The following PBX1 variants were observed in gnomAD, a reference collection of about 807,000 sequenced individuals.
The protein encoded by PBX1 is PBX homeobox 1.
In PBX1, 6 loss-of-function variants were observed where a neutral mutation model predicts 53.4. The observed-to-expected ratio is 0.11, with a 90% confidence interval of 0.06 to 0.22. The LOEUF (loss-of-function observed/expected upper bound fraction) is 0.22, where lower values mean the gene tolerates loss of function less well. PBX1 is among the 10% of genes least tolerant of loss of function. The pLI is 1.00. For synonymous variants in PBX1, 204 were observed against 212.3 expected (o/e 0.96, Z 0.34); for missense variants, 251 against 551.4 (o/e 0.46, Z 5.46).
intron 2 of PBX1, among the ~76,000 whole-genome samples, chr1:164,606,587 T>A (rs1377346845): frequency 2.0e-5 from 3 of 152,172 alleles, no homozygotes; most frequent in African/African-American, 2.4e-5. Flanking sequence ...ATAAAAAGCA[T>A]TCTGTATAAA....
intron 8 of PBX1, among the ~76,000 whole-genome samples, 185 bp from the exon 9 acceptor site, chr1:164,846,399 G>A (rs1330741536): frequency 6.6e-6 from 1 of 152,090 alleles, no homozygotes; most frequent in Non-Finnish European, 1.5e-5. Flanking sequence ...TCACTGGGAG[G>A]ACCCAAACTT....
intron 2 of PBX1, among the ~76,000 whole-genome samples, chr1:164,583,910 A>G (rs1419822009): frequency 6.6e-6 from 1 of 152,186 alleles, no homozygotes; most frequent in Non-Finnish European, 1.5e-5. Context: ...CTTGAAGATA[A>G]CTTAAGTATA....
intron 2 of PBX1, among the ~76,000 whole-genome samples, chr1:164,739,193 CT>C (rs1665459163): frequency 6.6e-6 from 1 of 152,146 alleles, no homozygotes; most frequent in Non-Finnish European, 1.5e-5. Flanking sequence ...AAGGATTCCC[CT>C]GGCGCAAACC....
rs371768861 is a variant in PBX1, at chr1:164,588,473, C to CTTTTTTTTT, written c.265+25181_265+25189dup. Reference sequence around the variant, plus strand: ...AAAGAGAAATACACTCCGGACTAAGCTTTTTTTTTTTTTTTTTTTTTTTTT... The same window carrying CTTTTTTTTT: ...AAAGAGAAATACACTCCGGACTAAGCTTTTTTTTTTTTTTTTTTTTTTTTTTTTTTTTTT... On this transcript the variant is annotated intron_variant, in intron 2 of 8. Coordinates refer to ENST00000420696, the MANE Select transcript of PBX1 (RefSeq NM_002585.4). Among the ~76,000 whole-genome samples, 54 of 73,084 alleles carry CTTTTTTTTT rather than the reference C, an allele frequency of 7.4e-4. 13 individuals carry two copies. The East Asian group carries it at 0.015, about 21-fold the overall frequency. 47.9% of individuals were successfully genotyped at this position (73,084 alleles called of 152,430 possible).
intron 2 of PBX1, chr1:164,625,870 T>C (rs981548785): frequency 4.3e-6 from 4 of 933,290 alleles, no homozygotes; most frequent in Non-Finnish European, 5.2e-6. Flanking sequence ...CCACCCTCCT[T>C]CTGCCTTTCT....
At chr1:164,681,331 T>C (rs1453461131) in intron 2 of PBX1, among the ~76,000 whole-genome samples, 1 of 152,236 alleles carries the variant, frequency 6.6e-6, no homozygotes, top group African/African-American at 2.4e-5. Context: ...TATGTATGTT[T>C]ATAACATGTA....
chr1:164,791,192 T>G (rs956284558), intron 2 of PBX1, among the ~76,000 whole-genome samples: 7 of 152,208 alleles, frequency 4.6e-5, no homozygotes, highest in African/African-American at 1.7e-4. Flanking sequence ...TGGATTTAGA[T>G]GAGTGATTTA....
At position 164,821,616 on chromosome 1, in the gene PBX1, A is replaced by G. The variant is rs770885352; in HGVS notation, c.1190A>G (p.Gln397Arg). Reference sequence around the variant, plus strand: ...GCAGCCAGTCAGATGTACAGTCCGCAGGGCATCAGTGTAAGAAAACAAGCC... The same window carrying G: ...GCAGCCAGTCAGATGTACAGTCCGCGGGGCATCAGTGTAAGAAAACAAGCC... ...GLAASQMYSP[Q>R]GISANGGWQD... Residue 397 changes from glutamine to arginine, a missense_variant, in exon 8 of 9, where the codon CAG becomes CGG. By Grantham distance (43) the Gln-to-Arg change is conservative. Around this residue, in one of 4 missense-constraint regions of PBX1, gnomAD observed 92 missense variants for 130.4 expected, o/e 0.71. Transcript: ENST00000420696. The G allele has an allele frequency of 6.2e-7, 1 of 1,613,480 alleles. No individual in the cohort carries two copies. Among genetic ancestry groups the G allele is most frequent in the Admixed American group, 1.7e-5 (1 of 60,022 alleles).
At chr1:164,709,772 G>C (rs368691942) in intron 2 of PBX1, among the ~76,000 whole-genome samples, 1 of 152,188 alleles carries the variant, frequency 6.6e-6, no homozygotes, top group Non-Finnish European at 1.5e-5. Context: ...CAGAATTTCC[G>C]TCATCTTTCC....
At chr1:164,838,137 C>T (rs1031310094) in intron 8 of PBX1, among the ~76,000 whole-genome samples, 1 of 152,178 alleles carries the variant, frequency 6.6e-6, no homozygotes, top group African/African-American at 2.4e-5. Context: ...GGTGACTGAG[C>T]ACCCCTTAGC....
Position 164,849,378 on chromosome 1 carries a change from C to T in PBX1, c.*2702C>T. 1 of 1,535,726 alleles carries T rather than the reference C, an allele frequency of 6.5e-7. No individual in the cohort carries two copies. Among genetic ancestry groups the T allele is most frequent in the Non-Finnish European group, 8.7e-7 (1 of 1,146,812 alleles). On this transcript the variant is annotated 3_prime_UTR_variant, in exon 9 of 9. Transcript: ENST00000420696. ...ACCCCCGGCAAGCCCACTATCACTT[C>T]CGACTTCCAACGTGGCATCCGTGAG...
chr1:164,741,198 A>C (rs1413763540), intron 2 of PBX1, among the ~76,000 whole-genome samples: 1 of 152,198 alleles, frequency 6.6e-6, no homozygotes, highest in African/African-American at 2.4e-5. Flanking sequence ...TCAAGGATAT[A>C]ACCCATAGTC....
rs1222945161 is a variant in PBX1, at chr1:164,848,586, ATCT to A, written c.*1915_*1917del. The A allele has an allele frequency of 9.4e-6, 10 of 1,058,780 alleles. No individual in the cohort carries two copies. The highest frequency in any genetic ancestry group is 1.1e-5 in the Non-Finnish European group (10 of 875,332). 65.6% of individuals were successfully genotyped at this position (1,058,780 alleles called of 1,614,324 possible). On this transcript the variant is annotated 3_prime_UTR_variant, in exon 9 of 9. Coordinates refer to ENST00000420696, the MANE Select transcript of PBX1 (RefSeq NM_002585.4). ...ATGACAAAGAGAAGAGTTATTGTTG[ATCT>A]TCTTGGTTTTGGTCTGTCTCTTTTC...
intron 8 of PBX1, among the ~76,000 whole-genome samples, chr1:164,835,502 A>C (rs1327259438): frequency 6.6e-6 from 1 of 152,056 alleles, no homozygotes. Flanking sequence ...GTCTTTGTCA[A>C]TTATCAAATC....
At chr1:164,755,120 A>G (rs538773966) in intron 2 of PBX1, among the ~76,000 whole-genome samples, 3 of 152,208 alleles carry the variant, frequency 2.0e-5, no homozygotes, top group African/African-American at 7.2e-5. Context: ...GCAACAGAAG[A>G]TTCCAATTCA....
At chr1:164,814,293 A>C (rs1413721400) in intron 6 of PBX1, 1 of 152,212 alleles carries the variant, frequency 6.6e-6, no homozygotes, top group Non-Finnish European at 1.5e-5. Flanking sequence ...AATTGAAATA[A>C]ATTTTAAATA....
At chr1:164,827,106 CACGGGGAT>C (rs1286124340) in intron 8 of PBX1, among the ~76,000 whole-genome samples, 2 of 152,008 alleles carry the variant, frequency 1.3e-5, no homozygotes, top group Admixed American at 6.6e-5. Flanking sequence ...ATTTGGATAC[CACGGGGAT>C]ACTTAGTAAT....
At chr1:164,603,924 ATTTCATTTTT>A (rs1202986424) in intron 2 of PBX1, among the ~76,000 whole-genome samples, 5,093 of 78,046 alleles carry the variant, frequency 0.065, 444 homozygotes, top group East Asian at 0.39. Context: ...ACATTATGTC[ATTTCATTTTT>A]TTTTTTTTTT....
intron 2 of PBX1, among the ~76,000 whole-genome samples, chr1:164,875,988 G>GTGTGTATATATATA (rs776802784): frequency 1.8e-5 from 1 of 56,936 alleles, no homozygotes; most frequent in African/African-American, 4.2e-5. Context: ...TGGTGTATGT[G>GTGTGTATATATATA]TATATATATA....
Sources: gnomAD v4.1 joint callset for allele counts (sites outside exome capture counted in the v4.1 genomes callset) on GRCh38, gnomAD v4.1.1 for gene constraint, gnomAD v4.1.1 regional missense constraint, MANE v1.5 for transcripts, NCBI Gene and HGNC (gene_info 2026-07-23, HGNC 2026-07-21) for gene names.